EYS: variants seen among roughly 807,000 people sequenced by gnomAD.
EYS encodes the protein protein eyes shut homolog.
Under a neutral mutation model 282.1 loss-of-function variants are expected in EYS, and 250 were observed. The ratio of observed to expected loss-of-function variants is 0.89; its 90% CI spans 0.80 to 0.98. The LOEUF is 0.98. Ranked by LOEUF, EYS falls within the 50% of genes least tolerant of loss-of-function variation. EYS has a pLI of 0.00. For missense variants in EYS, 4,016 were observed against 3,709.0 expected (o/e 1.08, Z -2.15); for synonymous variants, 1,355 against 1,282.9 (o/e 1.06, Z -1.20).
intron 14 of EYS, among the ~76,000 whole-genome samples, chr6:64,956,321 T>C (rs1317069984): frequency 1.3e-5 from 2 of 152,092 alleles, no homozygotes; most frequent in Non-Finnish European, 2.9e-5. Flanking sequence ...GGTAAAGGTG[T>C]CAAGAACATG....
At chr6:64,583,381 A>G (rs749694683) in intron 26 of EYS, among the ~76,000 whole-genome samples, 2 of 152,188 alleles carry the variant, frequency 1.3e-5, no homozygotes, top group Non-Finnish European at 2.9e-5. Flanking sequence ...AAAGAGTTAC[A>G]GCTCATATTT....
intron 26 of EYS, among the ~76,000 whole-genome samples, chr6:64,512,538 G>C (rs1777441722): frequency 6.6e-6 from 1 of 151,810 alleles, no homozygotes; most frequent in Non-Finnish European, 1.5e-5. Context: ...GAGGAAGGAA[G>C]AGGTTAATAA....
At chr6:64,449,165 C>A (rs1775225744) in intron 26 of EYS, among the ~76,000 whole-genome samples, 2 of 152,240 alleles carry the variant, frequency 1.3e-5, no homozygotes, top group Middle Eastern at 3.4e-3. Context: ...CTTTAAAGGA[C>A]TTCATGGAGC....
intron 2 of EYS, among the ~76,000 whole-genome samples, chr6:65,565,387 A>C (rs1191676569): frequency 6.6e-6 from 1 of 152,056 alleles, no homozygotes; most frequent in Non-Finnish European, 1.5e-5. Flanking sequence ...GCAAATCAAA[A>C]CCACAATGAG....
chr6:64,536,170 A>G (rs1373082106), intron 26 of EYS, among the ~76,000 whole-genome samples: 6 of 152,136 alleles, frequency 3.9e-5, no homozygotes, highest in Non-Finnish European at 7.4e-5. Flanking sequence ...TATCTTTTTG[A>G]TAAAAAAACT....
intron 22 of EYS, among the ~76,000 whole-genome samples, chr6:64,801,849 C>T (rs927780632): frequency 2.6e-5 from 4 of 151,964 alleles, no homozygotes; most frequent in Admixed American, 6.6e-5. Context: ...GTACCATACC[C>T]GTCTTAACTA....
intron 26 of EYS, among the ~76,000 whole-genome samples, chr6:64,472,387 G>A (rs1015664797): frequency 6.6e-6 from 1 of 152,186 alleles, no homozygotes; most frequent in African/African-American, 2.4e-5. Context: ...TGGGAGAAGT[G>A]TGGTGATAAG....
At chr6:65,626,398 T>C (rs1164079623) in intron 2 of EYS, among the ~76,000 whole-genome samples, 1 of 152,204 alleles carries the variant, frequency 6.6e-6, no homozygotes, top group African/African-American at 2.4e-5. Context: ...ATCTTCTATA[T>C]GCATTTAGTA....
intron 2 of EYS, among the ~76,000 whole-genome samples, chr6:65,532,126 G>A (rs573344229): frequency 5.3e-5 from 8 of 152,130 alleles, no homozygotes; most frequent in African/African-American, 1.7e-4. Context: ...ACTTTAAAAG[G>A]TGGTGTTTTT....
chr6:65,056,900 T>G (rs1201605056), intron 13 of EYS, among the ~76,000 whole-genome samples: 1 of 152,092 alleles, frequency 6.6e-6, no homozygotes, highest in Non-Finnish European at 1.5e-5. Context: ...TAACTTAATG[T>G]GTTTAAATGG....
At chr6:64,110,530 T>C (rs1362281268) in intron 31 of EYS, among the ~76,000 whole-genome samples, 3 of 152,034 alleles carry the variant, frequency 2.0e-5, no homozygotes, top group African/African-American at 7.2e-5. Flanking sequence ...TTGTTGGCTA[T>C]GGCTATATGG....
chr6:65,018,363 G>A (rs943942280), intron 13 of EYS, among the ~76,000 whole-genome samples: 7 of 152,070 alleles, frequency 4.6e-5, no homozygotes, highest in Admixed American at 1.3e-4. Flanking sequence ...TTGGCATCCC[G>A]TAGTTGTAGA....
At chr6:64,386,534 C>G (rs745472491) in intron 29 of EYS, among the ~76,000 whole-genome samples, 6 of 152,098 alleles carry the variant, frequency 3.9e-5, no homozygotes, top group Non-Finnish European at 8.8e-5. Flanking sequence ...CTGGCCCCAC[C>G]CTTGACACAT....
At chr6:64,018,069 A>G (rs1430518043) in intron 33 of EYS, among the ~76,000 whole-genome samples, 1 of 152,196 alleles carries the variant, frequency 6.6e-6, no homozygotes, top group Non-Finnish European at 1.5e-5. Flanking sequence ...TGCCAAGTTT[A>G]TTCCTACTTA....
intron 5 of EYS, among the ~76,000 whole-genome samples, chr6:65,432,456 A>G (rs1767922084): frequency 6.6e-6 from 1 of 152,164 alleles, no homozygotes; most frequent in Non-Finnish European, 1.5e-5. Context: ...TATTACGAAA[A>G]AAATGAAACA....
chr6:63,766,331 G>A (rs1001661456), intron 40 of EYS, among the ~76,000 whole-genome samples: 9 of 151,982 alleles, frequency 5.9e-5, no homozygotes, highest in East Asian at 1.9e-4. Context: ...CATTAATTCC[G>A]TAAGAGCAGA....
intron 12 of EYS, among the ~76,000 whole-genome samples, chr6:65,141,342 T>C (rs1270599649): frequency 6.6e-6 from 1 of 151,696 alleles, no homozygotes; most frequent in African/African-American, 2.4e-5. Flanking sequence ...GGGACTGTTG[T>C]GGGGTGGCGG....
Position 65,636,111 on chromosome 6 carries a change from T to A in EYS, c.-333+3667A>T, listed in dbSNP as rs1220842757. Among the ~76,000 whole-genome samples, 3 of 152,230 alleles carry A rather than the reference T, an allele frequency of 2.0e-5. 1 individual carries two copies. The East Asian group carries it at 5.8e-4, about 29-fold the overall frequency. ...AGAACTGATCAAGCAATTATCCTTC[T>A]ACTCTTGTCTTATTTGGCCTATTCT... On this transcript the variant is annotated intron_variant, in intron 2 of 42. Transcript: ENST00000503581.
At chr6:65,517,241 T>A (rs546636229) in intron 2 of EYS, among the ~76,000 whole-genome samples, 2 of 151,980 alleles carry the variant, frequency 1.3e-5, no homozygotes, top group South Asian at 2.1e-4. Context: ...ATATATTTTA[T>A]ACCTCATATT....
Sources: allele counts gnomAD v4.1 joint callset (sites outside exome capture counted in the v4.1 genomes callset), GRCh38; gene constraint gnomAD v4.1.1; transcripts MANE v1.5; gene names NCBI Gene and HGNC (gene_info 2026-07-23, HGNC 2026-07-21).